TMEM71: variants seen among roughly 807,000 people sequenced by gnomAD.
TMEM71 encodes transmembrane protein 71.
TMEM71 carries 44 observed loss-of-function variants against 38.0 expected under a neutral mutation model. The observed-to-expected ratio is 1.16, with a 90% confidence interval of 0.91 to 1.49. The LOEUF is 1.49. Among genes scored for constraint, TMEM71 ranks in the 40% most tolerant of loss-of-function variants. TMEM71 has a pLI of 0.00. For synonymous variants in TMEM71, 133 were observed against 122.5 expected (o/e 1.09, Z -0.56); for missense variants, 367 against 348.6 (o/e 1.05, Z -0.42).
In TMEM71 at chr8:132,710,953, T is replaced by C. The variant is rs1301467833; in HGVS notation, c.*14A>G. 5 of 1,609,360 alleles carry C rather than the reference T, an allele frequency of 3.1e-6. No individual in the cohort carries two copies. Among genetic ancestry groups the C allele is most frequent in the Admixed American group, 1.7e-5 (1 of 59,060 alleles). Reference sequence around the variant, plus strand: ...AGATGGAGGACATTCATCGAAGGCATTCCTAAATGGTTGTCAAATTTTGAC... The same window carrying C: ...AGATGGAGGACATTCATCGAAGGCACTCCTAAATGGTTGTCAAATTTTGAC... On this transcript the variant is annotated 3_prime_UTR_variant, in exon 10 of 10. Coordinates refer to ENST00000677595, the MANE Select transcript of TMEM71 (RefSeq NM_001382403.1).
intron 1 of TMEM71, among the ~76,000 whole-genome samples, chr8:132,759,976 T>G (rs1408710297): frequency 6.6e-6 from 1 of 152,176 alleles, no homozygotes; most frequent in Middle Eastern, 3.2e-3. Flanking sequence ...ATGTAATATA[T>G]TAGTATGTTA....
In TMEM71 at chr8:132,713,994, C is replaced by T. The variant is rs762099327; in HGVS notation, c.872+1G>A. On this transcript the variant is annotated splice_donor_variant, in intron 9 of 9. Transcript: ENST00000677595. LOFTEE classifies it high-confidence loss of function. ...ATAATGATGACACAGGCAACACTTA[C>T]CGAGCACAGGCAGTGGTTTTGAAAT... The T allele has an allele frequency of 1.2e-6, 2 of 1,613,608 alleles. No homozygotes were observed. Among genetic ancestry groups the T allele is most frequent in the East Asian group, 2.2e-5 (1 of 44,854 alleles).
intron 5 of TMEM71, among the ~76,000 whole-genome samples, chr8:132,736,053 G>C (rs1031052007): frequency 6.6e-6 from 1 of 152,196 alleles, no homozygotes; most frequent in African/African-American, 2.4e-5. Context: ...AGAGATTGTA[G>C]CAAATGTTAG....
At chr8:132,758,966 T>C in intron 1 of TMEM71, 51 bp from the exon 2 acceptor site, 1 of 1,189,282 alleles carries the variant, frequency 8.4e-7, no homozygotes, top group South Asian at 1.2e-5. Context: ...AATAGAAAAA[T>C]TATGCCAAAA....
intron 5 of TMEM71, among the ~76,000 whole-genome samples, chr8:132,743,921 C>G (rs1016767060): frequency 6.6e-6 from 1 of 152,206 alleles, no homozygotes; most frequent in African/African-American, 2.4e-5. Context: ...CTTCACCCAG[C>G]AAAATCCTCT....
At chr8:132,766,742 C>T in the TMEM71 span, among the ~76,000 whole-genome samples, 1 of 145,014 alleles carries the variant, frequency 6.9e-6, no homozygotes, top group Non-Finnish European at 1.5e-5. Flanking sequence ...AGTGAGCCAA[C>T]ATTGCGTACC....
At chr8:132,741,909 G>T (rs552336025) in intron 5 of TMEM71, among the ~76,000 whole-genome samples, 1 of 152,198 alleles carries the variant, frequency 6.6e-6, no homozygotes, top group Non-Finnish European at 1.5e-5. Flanking sequence ...GCTATGTAGC[G>T]GGTGTTGTTC....
chr8:132,713,379 TG>T (rs1826338556), intron 9 of TMEM71, among the ~76,000 whole-genome samples: 1 of 152,146 alleles, frequency 6.6e-6, no homozygotes, highest in Non-Finnish European at 1.5e-5. Context: ...GCGCAGATTT[TG>T]TAAGAGTGCC....
chr8:132,748,394 G>A (rs1828510039), intron 4 of TMEM71, among the ~76,000 whole-genome samples: 2 of 152,194 alleles, frequency 1.3e-5, no homozygotes, highest in African/African-American at 4.8e-5. Context: ...GTGAGAAGAG[G>A]CTAGAGATGC....
downstream of TMEM71, among the ~76,000 whole-genome samples, chr8:132,706,156 G>T (rs905697042): frequency 6.6e-6 from 1 of 152,086 alleles, no homozygotes; most frequent in Non-Finnish European, 1.5e-5. Context: ...CTTGAACTTT[G>T]CAGCCTTTAG....
Position 132,751,916 on chromosome 8 carries a change from AC to A in TMEM71, c.182del (p.Cys61PhefsTer28), listed in dbSNP as rs755725480. On this transcript the variant is annotated frameshift_variant, in exon 4 of 10. Transcript: ENST00000677595. LOFTEE classifies it high-confidence loss of function. ...TGGTGAGGAGTCTGGGACTTCGGCG[AC>A]AGGTATAGTGGGAGCCTGTCAGGGG... ...IDPLTGSHYT[C>X]RRSPRLLTNG... The A allele has an allele frequency of 3.1e-6, 5 of 1,614,102 alleles. No homozygotes were observed. Among genetic ancestry groups the A allele is most frequent in the Non-Finnish European group, 4.2e-6 (5 of 1,180,026 alleles).
chr8:132,718,596 A>T (rs1238402329), intron 7 of TMEM71, among the ~76,000 whole-genome samples: 1 of 152,060 alleles, frequency 6.6e-6, no homozygotes, highest in African/African-American at 2.4e-5. Flanking sequence ...ACGGGGTTTC[A>T]CCGTGTTAGC....
chr8:132,775,397 CGGCGGCGGA>C, the TMEM71 span: 3 of 380,186 alleles, frequency 7.9e-6, no homozygotes, highest in Non-Finnish European at 1.4e-5. Context: ...CAGGGCTGGC[CGGCGGCGGA>C]GGCGGCGGCG....
intron 1 of TMEM71, among the ~76,000 whole-genome samples, chr8:132,759,826 C>T (rs920537658): frequency 6.6e-6 from 1 of 152,066 alleles, no homozygotes; most frequent in African/African-American, 2.4e-5. Flanking sequence ...TATATAAACC[C>T]TATTAGGAAA....
In TMEM71 at chr8:132,742,180, G is replaced by A. The variant is rs562550003; in HGVS notation, c.487+4762C>T. Among the ~76,000 whole-genome samples the A allele has an allele frequency of 4.6e-5, 7 of 152,326 alleles. No individual in the cohort carries two copies. In the East Asian group the frequency reaches 1.2e-3, roughly 25 times the overall value. On this transcript the variant is annotated intron_variant, in intron 5 of 9. Coordinates refer to ENST00000677595, the MANE Select transcript of TMEM71 (RefSeq NM_001382403.1). ...TAAAGAGTAATTGCTACAAACCAAT[G>A]ATTAATGATATTCATATATAATCAT...
At chr8:132,760,088 A>G (rs1461632386) in intron 1 of TMEM71, among the ~76,000 whole-genome samples, 2 of 152,182 alleles carry the variant, frequency 1.3e-5, no homozygotes, top group Non-Finnish European at 2.9e-5. Flanking sequence ...AAGCCTATAA[A>G]TCCTGCAGCA....
chr8:132,745,180 C>A lies in TMEM71; in HGVS notation c.487+1762G>T, dbSNP rs191973842. On this transcript the variant is annotated intron_variant, in intron 5 of 9. Transcript: ENST00000677595. The stretch of plus-strand genomic sequence containing the variant: ...CAAAAACAAAAATTGACAAATAGAA[C>A]CTAATTAAACTAAAGAACTTCTGCA... 5.1e-3 allele frequency among the ~76,000 whole-genome samples: 781 copies of A among 152,112 alleles called. 2 individuals carry two copies. The highest frequency in any genetic ancestry group is 8.9e-3 in the Non-Finnish European group (606 of 67,934).
chr8:132,760,182 A>G (rs1280691097), intron 1 of TMEM71: 2 of 87,076 alleles, frequency 2.3e-5, no homozygotes, highest in African/African-American at 6.4e-5. Flanking sequence ...AATTAGTAAC[A>G]GTAGGAAAAA....
chr8:132,721,909 A>G (rs1365479714), intron 7 of TMEM71, 131 bp downstream of exon 7: 1 of 794,056 alleles, frequency 1.3e-6, no homozygotes, highest in Non-Finnish European at 2.2e-6. Flanking sequence ...CTTATCATGG[A>G]CAGACACATG....
Sources: gnomAD v4.1 joint callset for allele counts (sites outside exome capture counted in the v4.1 genomes callset) on GRCh38, gnomAD v4.1.1 for gene constraint, MANE v1.5 for transcripts, NCBI Gene and HGNC (gene_info 2026-07-23, HGNC 2026-07-21) for gene names.